Variants in SPAG16 observed in about 807,000 individuals in gnomAD.
The protein encoded by SPAG16 is sperm-associated antigen 16 protein.
Under a neutral mutation model 80.4 loss-of-function variants are expected in SPAG16, and 86 were observed. The ratio of observed to expected loss-of-function variants is 1.07; its 90% CI spans 0.90 to 1.28. The LOEUF (loss-of-function observed/expected upper bound fraction) is 1.28. SPAG16 is among the 50% of genes most tolerant of loss of function. The pLI, the probability that SPAG16 is intolerant of heterozygous loss-of-function variation, is 0.00. For missense variants in SPAG16, 870 were observed against 765.3 expected, an observed-to-expected ratio of 1.14 and a Z score of -1.61; for synonymous variants, 294 against 265.9, an observed-to-expected ratio of 1.11 and a Z score of -1.03.
intron 15 of SPAG16, among the ~76,000 whole-genome samples, chr2:214,206,004 C>A (rs2058133758): frequency 6.7e-6 from 1 of 150,240 alleles, no homozygotes; most frequent in African/African-American, 2.5e-5. Context: ...AACACCCTGA[C>A]CAACATGGTG....
At chr2:214,076,549 GTGTGTGTGTGTGTGTGTT>G (rs1559763479) in intron 13 of SPAG16, among the ~76,000 whole-genome samples, 4 of 143,208 alleles carry the variant, frequency 2.8e-5, no homozygotes, top group East Asian at 2.0e-4. Flanking sequence ...GTGTCTGTGT[GTGTGTGTGTGTGTGTGTT>G]TGTGTTGAGA....
intron 9 of SPAG16, among the ~76,000 whole-genome samples, chr2:213,413,748 T>C (rs2069111784): frequency 6.6e-6 from 1 of 152,172 alleles, no homozygotes; most frequent in Admixed American, 6.5e-5. Flanking sequence ...AAATACGTGA[T>C]ACTCCATATC....
At chr2:213,684,959 C>T (rs2064590836) in intron 10 of SPAG16, among the ~76,000 whole-genome samples, 1 of 152,104 alleles carries the variant, frequency 6.6e-6, no homozygotes, top group South Asian at 2.1e-4. Flanking sequence ...CCATAAGAGT[C>T]TGTGATAAGG....
At chr2:213,349,269 A>G (rs1163546780) in intron 6 of SPAG16, among the ~76,000 whole-genome samples, 1 of 152,206 alleles carries the variant, frequency 6.6e-6, no homozygotes, top group Non-Finnish European at 1.5e-5. Context: ...TCATCTTAGA[A>G]GCTTAAAAAG....
intron 12 of SPAG16, among the ~76,000 whole-genome samples, chr2:213,996,144 A>C (rs1392208167): frequency 6.6e-6 from 1 of 152,218 alleles, no homozygotes; most frequent in African/African-American, 2.4e-5. Context: ...TGGAAAAAAT[A>C]GGGGGAAATC....
chr2:213,345,734 G>A (rs962779508), intron 6 of SPAG16, among the ~76,000 whole-genome samples: 6 of 150,002 alleles, frequency 4.0e-5, no homozygotes, highest in South Asian at 4.3e-4. Flanking sequence ...TGTTCCATTG[G>A]TCTATATCTC....
At chr2:214,143,641 C>T (rs1022112791) in intron 14 of SPAG16, among the ~76,000 whole-genome samples, 1 of 152,112 alleles carries the variant, frequency 6.6e-6, no homozygotes, top group Non-Finnish European at 1.5e-5. Context: ...AAATTACATA[C>T]AATCAACATT....
At chr2:214,302,040 A>T (rs541486580) in intron 15 of SPAG16, among the ~76,000 whole-genome samples, 1 of 152,196 alleles carries the variant, frequency 6.6e-6, no homozygotes, top group Non-Finnish European at 1.5e-5. Flanking sequence ...TGTTTGCCCA[A>T]AAGTTATTCA....
intron 15 of SPAG16, among the ~76,000 whole-genome samples, chr2:214,351,388 C>CTGTGTGTGTG (rs140584779): frequency 6.6e-6 from 1 of 151,158 alleles, no homozygotes; most frequent in African/African-American, 2.4e-5. Flanking sequence ...GTCTGTGTGT[C>CTGTGTGTGTG]TGTGTGTGTG....
intron 15 of SPAG16, among the ~76,000 whole-genome samples, chr2:214,372,468 A>G (rs1699884393): frequency 1.2e-5 from 1 of 82,756 alleles, no homozygotes; most frequent in Admixed American, 1.1e-4. Context: ...GGAAAACAGA[A>G]TAAAACAAGG....
At chr2:213,667,890 A>G (rs1422839291) in intron 10 of SPAG16, among the ~76,000 whole-genome samples, 1 of 151,820 alleles carries the variant, frequency 6.6e-6, no homozygotes, top group Non-Finnish European at 1.5e-5. Context: ...TACATAGTTA[A>G]TTTTATATAA....
chr2:214,151,093 A>G (rs2055953278), intron 15 of SPAG16, among the ~76,000 whole-genome samples: 1 of 152,060 alleles, frequency 6.6e-6, no homozygotes, highest in African/African-American at 2.4e-5. Flanking sequence ...CATCCCTTTG[A>G]CCATTTCTTT....
intron 14 of SPAG16, among the ~76,000 whole-genome samples, chr2:214,114,181 C>T (rs974945696): frequency 6.6e-6 from 1 of 152,158 alleles, no homozygotes; most frequent in Non-Finnish European, 1.5e-5. Context: ...ATATTGCTGC[C>T]TGATCCTTCC....
At chr2:213,821,765 AT>A (rs1286024122) in intron 10 of SPAG16, among the ~76,000 whole-genome samples, 1 of 152,136 alleles carries the variant, frequency 6.6e-6, no homozygotes, top group Non-Finnish European at 1.5e-5. Flanking sequence ...GAGTTCAATT[AT>A]TTTAACTTTT....
At position 213,425,263 on chromosome 2, in the gene SPAG16, T is replaced by A. The variant is rs893242590; in HGVS notation, c.942+50144T>A. Among the ~76,000 whole-genome samples, 25 of 151,972 alleles carry A rather than the reference T, an allele frequency of 1.6e-4. 2 individuals are homozygous for A. The highest frequency in any genetic ancestry group is 1.6e-3 in the Admixed American group (24 of 15,248). ...TGAACCTGGGAAGCAGAGCTTGCAG[T>A]GAGCCAAGATCACACCACTGCACTC... On this transcript the variant is annotated intron_variant, in intron 9 of 15. Coordinates refer to ENST00000331683, the MANE Select transcript of SPAG16 (RefSeq NM_024532.5).
intron 15 of SPAG16, among the ~76,000 whole-genome samples, chr2:214,402,406 A>G (rs1701760054): frequency 6.6e-6 from 1 of 152,014 alleles, no homozygotes; most frequent in African/African-American, 2.4e-5. Flanking sequence ...TTACTTTACC[A>G]ATCTATCAAA....
At chr2:213,578,422 C>CA (rs1323178057) in intron 10 of SPAG16, among the ~76,000 whole-genome samples, 4 of 151,992 alleles carry the variant, frequency 2.6e-5, no homozygotes, top group Non-Finnish European at 5.9e-5. Flanking sequence ...ATTGGTTGTA[C>CA]AAAAAATAAA....
At chr2:213,318,035 A>G (rs890395144) in intron 5 of SPAG16, 1 of 152,092 alleles carries the variant, frequency 6.6e-6, no homozygotes, top group Non-Finnish European at 1.5e-5. Context: ...CCAACCATGT[A>G]TGAGTGTTCT....
intron 10 of SPAG16, among the ~76,000 whole-genome samples, chr2:213,722,588 G>C (rs1398623165): frequency 6.6e-6 from 1 of 152,154 alleles, no homozygotes; most frequent in African/African-American, 2.4e-5. Flanking sequence ...ACTTGAGATG[G>C]AATCAGTACC....
Sources: gnomAD v4.1 joint callset for allele counts (sites outside exome capture counted in the v4.1 genomes callset) on GRCh38, gnomAD v4.1.1 for gene constraint, MANE v1.5 for transcripts, NCBI Gene and HGNC (gene_info 2026-07-23, HGNC 2026-07-21) for gene names.